KCNMB2: variants seen among roughly 807,000 people sequenced by gnomAD.
KCNMB2 encodes the protein calcium-activated potassium channel subunit beta-2.
KCNMB2 carries 9 observed loss-of-function variants against 24.5 expected under a neutral mutation model. The observed-to-expected ratio is 0.37, with a 90% CI of 0.22 to 0.64. The LOEUF is 0.64. Ranked by LOEUF, KCNMB2 falls within the 30% of genes least tolerant of loss-of-function variation. The pLI is 0.63. For synonymous variants in KCNMB2, 109 were observed against 104.4 expected (o/e 1.04, Z -0.27); for missense variants, 226 against 284.3 (o/e 0.79, Z 1.47).
chr3:178,575,447 C>A (rs903928743), intron 1 of KCNMB2, among the ~76,000 whole-genome samples: 2 of 152,036 alleles, frequency 1.3e-5, no homozygotes, highest in Non-Finnish European at 2.9e-5. Context: ...TGAGCTGTGA[C>A]GAATCAACTT....
intron 1 of KCNMB2, among the ~76,000 whole-genome samples, chr3:178,649,569 G>C (rs1419130556): frequency 6.6e-6 from 1 of 151,854 alleles, no homozygotes; most frequent in South Asian, 2.1e-4. Context: ...GTCTATTCAG[G>C]GATTTGACTG....
At chr3:178,594,141 G>C (rs1438694765) in intron 1 of KCNMB2, among the ~76,000 whole-genome samples, 1 of 151,866 alleles carries the variant, frequency 6.6e-6, no homozygotes, top group East Asian at 1.9e-4. Flanking sequence ...AAGACTATTA[G>C]GAGATTAGGT....
intron 1 of KCNMB2, among the ~76,000 whole-genome samples, chr3:178,655,456 G>C (rs1720299236): frequency 6.6e-6 from 1 of 152,140 alleles, no homozygotes. Context: ...CTGTAGCCCA[G>C]ATGGAGTGCT....
intron 1 of KCNMB2, among the ~76,000 whole-genome samples, chr3:178,753,426 A>C (rs542400815): frequency 6.6e-6 from 1 of 152,282 alleles, no homozygotes; most frequent in South Asian, 2.1e-4. Context: ...CTTGTCTATA[A>C]GGTAGTAATA....
At chr3:178,803,366 T>C (rs1409261679) in intron 1 of KCNMB2, among the ~76,000 whole-genome samples, 9 of 151,918 alleles carry the variant, frequency 5.9e-5, no homozygotes, top group South Asian at 2.1e-4. Context: ...AGCTGGACAA[T>C]TGAAAGAAGG....
At chr3:178,727,150 G>A (rs1722992153) in intron 1 of KCNMB2, among the ~76,000 whole-genome samples, 1 of 152,054 alleles carries the variant, frequency 6.6e-6, no homozygotes, top group Non-Finnish European at 1.5e-5. Flanking sequence ...GAAATACCAA[G>A]GAAATATCTA....
rs1194087817 is a variant in KCNMB2 at position 178,807,448 on chromosome 3, T to C, written c.39T>C (p.Tyr13=). The C allele has an allele frequency of 9.9e-6, 16 of 1,613,718 alleles. No individual in the cohort carries two copies. The highest frequency in any genetic ancestry group is 3.3e-5 in the Admixed American group (2 of 59,990). Residue 13 remains tyrosine (Y), a synonymous_variant, in exon 2 of 5, where the codon TAT becomes TAC. Transcript: ENST00000452583. Reference sequence around the variant, plus strand: ...CCAGTGGCCGGACCTCTTCATCTTATAGACATGATGAAAAAAGGTAAATGC... The same window carrying C: ...CCAGTGGCCGGACCTCTTCATCTTACAGACATGATGAAAAAAGGTAAATGC... ...IWTSGRTSSS[Y]RHDEKRNIYQ...
intron 4 of KCNMB2, among the ~76,000 whole-genome samples, chr3:178,838,370 C>T (rs553489151): frequency 2.0e-5 from 3 of 152,264 alleles, no homozygotes; most frequent in Admixed American, 2.0e-4. Context: ...CCAGGGGATT[C>T]TCTGCTCTAC....
intron 1 of KCNMB2, among the ~76,000 whole-genome samples, chr3:178,734,720 T>C (rs2108370861): frequency 6.6e-6 from 1 of 152,322 alleles, no homozygotes; most frequent in Non-Finnish European, 1.5e-5. Flanking sequence ...TCCAGAAGAA[T>C]TCTCCATTCT....
At chr3:178,777,723 T>C (rs1712641344) in intron 1 of KCNMB2, among the ~76,000 whole-genome samples, 1 of 152,120 alleles carries the variant, frequency 6.6e-6, no homozygotes, top group Admixed American at 6.5e-5. Context: ...GGGAGAAAAA[T>C]GACTTCTAAG....
At chr3:178,770,803 T>C (rs1017317833) in intron 1 of KCNMB2, among the ~76,000 whole-genome samples, 9 of 152,200 alleles carry the variant, frequency 5.9e-5, no homozygotes, top group Admixed American at 5.2e-4. Context: ...CTCCAAGCTA[T>C]TGTATTAGCT....
At chr3:178,829,978 G>A (rs562162459) in intron 4 of KCNMB2, among the ~76,000 whole-genome samples, 24 of 152,170 alleles carry the variant, frequency 1.6e-4, no homozygotes, top group South Asian at 1.0e-3. Flanking sequence ...CGTAACCACC[G>A]TGTAACCACC....
chr3:178,718,411 A>G (rs1722689162), intron 1 of KCNMB2, among the ~76,000 whole-genome samples: 1 of 152,212 alleles, frequency 6.6e-6, no homozygotes, highest in Non-Finnish European at 1.5e-5. Context: ...CTAGCTAGCT[A>G]ATCTTCCTCT....
At chr3:178,614,297 G>GTATATGTGTATATATATATATATA (rs1718620687) in intron 1 of KCNMB2, among the ~76,000 whole-genome samples, 2 of 54,594 alleles carry the variant, frequency 3.7e-5, no homozygotes, top group African/African-American at 1.4e-4. Flanking sequence ...ATATATATAT[G>GTATATGTGTATATATATATATATA]TATGTATATA....
intron 1 of KCNMB2, among the ~76,000 whole-genome samples, chr3:178,548,763 T>G (rs1456392696): frequency 6.6e-6 from 1 of 152,220 alleles, no homozygotes; most frequent in Non-Finnish European, 1.5e-5. Context: ...AGATTCTACC[T>G]TTTGGTACTT....
intron 1 of KCNMB2, among the ~76,000 whole-genome samples, chr3:178,590,293 A>G (rs1717618071): frequency 6.6e-6 from 1 of 152,202 alleles, no homozygotes; most frequent in African/African-American, 2.4e-5. Flanking sequence ...TTATCTGTAC[A>G]TTTTTTATCC....
chr3:178,567,593 A>ATTGTTAGAAATAG (rs1291899651), intron 1 of KCNMB2, among the ~76,000 whole-genome samples: 5 of 152,086 alleles, frequency 3.3e-5, no homozygotes, highest in Admixed American at 6.5e-5. Flanking sequence ...GCAAAGAGTT[A>ATTGTTAGAAATAG]CAGCTAGCAT....
At chr3:178,796,162 G>A (rs914254544) in intron 1 of KCNMB2, among the ~76,000 whole-genome samples, 1 of 152,044 alleles carries the variant, frequency 6.6e-6, no homozygotes, top group Non-Finnish European at 1.5e-5. Context: ...TGTATAAAAA[G>A]AGACAAAGAA....
intron 1 of KCNMB2, among the ~76,000 whole-genome samples, chr3:178,587,398 G>T (rs1257017427): frequency 6.6e-6 from 1 of 152,066 alleles, no homozygotes; most frequent in African/African-American, 2.4e-5. Context: ...CCAATAAACA[G>T]AACTCAGGAG....
Sources: gnomAD v4.1 joint callset for allele counts (sites outside exome capture counted in the v4.1 genomes callset) on GRCh38, gnomAD v4.1.1 for gene constraint, MANE v1.5 for transcripts, NCBI Gene and HGNC (gene_info 2026-07-23, HGNC 2026-07-21) for gene names.